EML6: variants seen among roughly 807,000 people sequenced by gnomAD.
EML6 encodes EMAP like 6.
A neutral mutation model predicts 240.1 loss-of-function variants in EML6; 154 were observed. That is an observed-to-expected ratio of 0.64 (90% CI 0.56 to 0.73). EML6 has a LOEUF of 0.73. Ranked by LOEUF, EML6 falls within the 30% of genes least tolerant of loss-of-function variation. The probability of loss-of-function intolerance (pLI) is 0.00; values close to 1 mark genes in which losing one functional copy is unlikely to be tolerated. For missense variants in EML6, 2,964 were observed against 2,474.6 expected, an observed-to-expected ratio of 1.20 and a Z score of -4.20; for synonymous variants, 1,148 against 899.0, an observed-to-expected ratio of 1.28 and a Z score of -4.95.
At chr2:54,966,639 G>A (rs1676758976) in intron 38 of EML6, 1 of 161,822 alleles carries the variant, frequency 6.2e-6, no homozygotes, top group African/African-American at 2.4e-5. Context: ...TTACAGCAGA[G>A]ACTGCTGGGC....
intron 33 of EML6, 140 bp downstream of exon 33, chr2:54,958,138 T>C: frequency 1.5e-6 from 1 of 682,278 alleles, no homozygotes. Flanking sequence ...TACTGGCTTA[T>C]CTGCAACCAC....
intron 34 of EML6, 58 bp downstream of exon 34, chr2:54,959,319 GA>G: frequency 6.9e-7 from 1 of 1,446,992 alleles, no homozygotes; most frequent in Non-Finnish European, 9.2e-7. Context: ...GGGAGAAACT[GA>G]CAAAAGTGTT....
chr2:54,898,659 T>G (rs1345047859), intron 21 of EML6, among the ~76,000 whole-genome samples: 1 of 152,218 alleles, frequency 6.6e-6, no homozygotes, highest in East Asian at 1.9e-4. Flanking sequence ...CAATTTCTCT[T>G]TGGAAAGCCA....
intron 28 of EML6, among the ~76,000 whole-genome samples, chr2:54,940,809 G>A (rs1451524256): frequency 6.6e-6 from 1 of 152,180 alleles, no homozygotes; most frequent in Non-Finnish European, 1.5e-5. Context: ...TTTGATCTTT[G>A]TAGTATCTGT....
chr2:54,823,124 C>A (rs771196913), intron 5 of EML6, among the ~76,000 whole-genome samples: 17 of 152,184 alleles, frequency 1.1e-4, no homozygotes, highest in Non-Finnish European at 2.4e-4. Context: ...ACGCCACTTT[C>A]AATTTGCTTG....
At chr2:54,958,491 C>T (rs1676339546) in intron 33 of EML6, among the ~76,000 whole-genome samples, 1 of 150,674 alleles carries the variant, frequency 6.6e-6, no homozygotes, top group African/African-American at 2.5e-5. Context: ...CTCGCCTGGC[C>T]AATATTTTTT....
chr2:54,961,184 G>GTTGTTTTTTTTTTTTTGTTTTTTTGTTT, intron 35 of EML6, among the ~76,000 whole-genome samples: 3 of 55,424 alleles, frequency 5.4e-5, no homozygotes, highest in Admixed American at 2.7e-4. Context: ...TCAGGAAGTA[G>GTTGTTTTTTTTTTTTTGTTTTTTTGTTT]TTTTTTTTTT....
At chr2:54,822,180 AC>A (rs1251655608) in intron 5 of EML6, among the ~76,000 whole-genome samples, 1 of 152,196 alleles carries the variant, frequency 6.6e-6, no homozygotes, top group African/African-American at 2.4e-5. Flanking sequence ...TAATTAAGGA[AC>A]ACAAATTTTA....
Position 54,916,780 on chromosome 2 carries a change from A to T in EML6, c.3520A>T (p.Thr1174Ser), listed in dbSNP as rs1256907193. 1 of 1,531,032 alleles carries T rather than the reference A, an allele frequency of 6.5e-7. No homozygotes were observed. The highest frequency in any genetic ancestry group is 8.8e-7 in the Non-Finnish European group (1 of 1,131,368). 94.8% of individuals were successfully genotyped at this position (1,531,032 alleles called of 1,614,324 possible). ...TCAGATCGAGAAGATAGAGTGGGAC[A>T]CATGGACCTGTGTCCTGGGGCCCAC... ...PSEIEKIEWDTWTCVLGPTCE... is the reference protein window; with the variant it reads ...PSEIEKIEWDSWTCVLGPTCE... Residue 1174 changes from threonine (T) to serine (S), a missense_variant, in exon 26 of 42, where the codon ACA becomes TCA. Thr to Ser is a moderately conservative substitution (Grantham distance 58). Coordinates refer to ENST00000356458, the MANE Select transcript of EML6 (RefSeq NM_001039753.4).
At chr2:54,960,865 G>A (rs545323307) in intron 35 of EML6, among the ~76,000 whole-genome samples, 1 of 152,236 alleles carries the variant, frequency 6.6e-6, no homozygotes, top group South Asian at 2.1e-4. Flanking sequence ...TGGAGCTGGT[G>A]AATCAGAATC....
chr2:54,822,313 C>A (rs576957957), intron 5 of EML6, among the ~76,000 whole-genome samples: 9 of 152,294 alleles, frequency 5.9e-5, no homozygotes, highest in Admixed American at 3.9e-4. Context: ...AATGGTCTTT[C>A]AGCCAAGAAA....
chr2:54,828,711 A>G (rs1423648172), intron 6 of EML6, among the ~76,000 whole-genome samples: 2 of 152,208 alleles, frequency 1.3e-5, no homozygotes, highest in African/African-American at 2.4e-5. Context: ...TTTATACTGG[A>G]TCTTATGTCA....
chr2:54,857,011 A>G (rs1451598369), intron 11 of EML6, among the ~76,000 whole-genome samples: 2 of 152,176 alleles, frequency 1.3e-5, no homozygotes, highest in Non-Finnish European at 2.9e-5. Context: ...GGATATGAGA[A>G]TAGAGGAAAA....
intron 38 of EML6, 24 bp downstream of exon 38, chr2:54,964,757 C>G: frequency 1.3e-6 from 2 of 1,550,158 alleles, no homozygotes; most frequent in Non-Finnish European, 1.7e-6. Flanking sequence ...TTACTTATAT[C>G]TGGGGCAACC....
intron 22 of EML6, among the ~76,000 whole-genome samples, chr2:54,900,430 G>T (rs909317499): frequency 1.8e-4 from 27 of 152,208 alleles, no homozygotes. Context: ...AAGGGATGGG[G>T]AAGGTATGAG....
intron 4 of EML6, among the ~76,000 whole-genome samples, chr2:54,817,937 CA>C (rs1376283791): frequency 1.3e-5 from 2 of 152,202 alleles, no homozygotes; most frequent in African/African-American, 4.8e-5. Flanking sequence ...AATAGAACCT[CA>C]GTACTGGAAG....
At chr2:54,783,096 T>C (rs73936464) in intron 2 of EML6, among the ~76,000 whole-genome samples, 6,385 of 152,280 alleles carry the variant, frequency 0.042, 439 homozygotes, top group African/African-American at 0.14. Context: ...CGTGCATATA[T>C]TATAGTCGAT....
intron 39 of EML6, among the ~76,000 whole-genome samples, chr2:54,967,760 A>G (rs1034032383): frequency 7.2e-5 from 11 of 152,068 alleles, no homozygotes; most frequent in African/African-American, 2.7e-4. Context: ...ATGGAATACA[A>G]TTTTTCCAGA....
chr2:54,939,079 AAATG>A (rs1558706583), intron 28 of EML6, among the ~76,000 whole-genome samples: 1 of 152,254 alleles, frequency 6.6e-6, no homozygotes. Context: ...TTGAATGAAT[AAATG>A]GATTCCTTAA....
Sources: gnomAD v4.1 joint callset for allele counts (sites outside exome capture counted in the v4.1 genomes callset) on GRCh38, gnomAD v4.1.1 for gene constraint, MANE v1.5 for transcripts, NCBI Gene and HGNC (gene_info 2026-07-23, HGNC 2026-07-21) for gene names.